Variants in ERO1B observed in about 807,000 individuals in gnomAD.
ERO1B encodes the protein ERO1-like protein beta.
Under a neutral mutation model 75.3 loss-of-function variants are expected in ERO1B, and 49 were observed. The ratio of observed to expected loss-of-function variants is 0.65; its 90% CI spans 0.52 to 0.83. The LOEUF is 0.83. ERO1B is among the 40% of genes least tolerant of loss of function. ERO1B has a pLI of 0.00. For missense variants in ERO1B, 512 were observed against 560.1 expected, an observed-to-expected ratio of 0.91 and a Z score of 0.87; for synonymous variants, 191 against 192.9, an observed-to-expected ratio of 0.99 and a Z score of 0.08.
At position 236,218,389 on chromosome 1, in the gene ERO1B, A is replaced by G; in HGVS notation, c.*127T>C. The G allele has an allele frequency of 1.2e-6, 1 of 800,478 alleles. No homozygotes were observed. 49.6% of individuals were successfully genotyped at this position (800,478 alleles called of 1,614,324 possible). ...AAGAATCATAAATATTCAAGTGAGC[A>G]TTTAAATTTTCTATTTAATAGTTCA... is the stretch of plus-strand genomic sequence containing the variant. On this transcript the variant is annotated 3_prime_UTR_variant, in exon 16 of 16. Coordinates refer to ENST00000354619, the MANE Select transcript of ERO1B (RefSeq NM_019891.4).
At chr1:236,219,297 C>T (rs1664075579) in intron 15 of ERO1B, among the ~76,000 whole-genome samples, 1 of 152,038 alleles carries the variant, frequency 6.6e-6, no homozygotes, top group African/African-American at 2.4e-5. Context: ...GAGTTCATAC[C>T]ACTACTAAAG....
intron 1 of ERO1B, among the ~76,000 whole-genome samples, chr1:236,280,742 C>G (rs1288801886): frequency 6.6e-6 from 1 of 152,174 alleles, no homozygotes; most frequent in African/African-American, 2.4e-5. Context: ...TGGATGAGCA[C>G]TAATTGCTTC....
chr1:236,246,046 T>C (rs1004352847), intron 5 of ERO1B, among the ~76,000 whole-genome samples: 15 of 152,218 alleles, frequency 9.9e-5, no homozygotes, highest in South Asian at 2.1e-4. Flanking sequence ...GTAGAACAGA[T>C]AACTGATACA....
At chr1:236,225,635 T>C (rs917019899) in intron 12 of ERO1B, among the ~76,000 whole-genome samples, 3 of 152,180 alleles carry the variant, frequency 2.0e-5, no homozygotes, top group African/African-American at 7.2e-5. Flanking sequence ...TCATCTAAAT[T>C]TAAATATAGT....
At chr1:236,239,893 A>G (rs11578471) in intron 6 of ERO1B, among the ~76,000 whole-genome samples, 29,401 of 104,230 alleles carry the variant, frequency 0.28, 4,909 homozygotes, top group East Asian at 0.59. Context: ...GTGTGTGTGT[A>G]TATATATATA....
At chr1:236,244,247 T>A (rs577390740) in intron 5 of ERO1B, among the ~76,000 whole-genome samples, 7 of 152,256 alleles carry the variant, frequency 4.6e-5, no homozygotes, top group Admixed American at 1.3e-4. Flanking sequence ...ACTGTATAAA[T>A]CAGGTATATA....
At position 236,224,218 on chromosome 1, in the gene ERO1B, G is replaced by A. The variant is rs150932733; in HGVS notation, c.1122+852C>T. ...ATATTCTTACACCAGTTTAGGTCAG[G>A]TTTTGCTAAAAAATTACCTTGCACT... On this transcript the variant is annotated intron_variant, in intron 13 of 15. Transcript: ENST00000354619. 9.3e-4 allele frequency among the ~76,000 whole-genome samples: 141 copies of A among 152,118 alleles called. 1 individual carries two copies. Among genetic ancestry groups the A allele is most frequent in the Non-Finnish European group, 1.7e-3 (113 of 68,006 alleles).
intron 4 of ERO1B, among the ~76,000 whole-genome samples, chr1:236,250,572 C>CATATATATATATATAT (rs1171832762): frequency 1.2e-5 from 1 of 86,374 alleles, no homozygotes. Flanking sequence ...TAAATTTGAC[C>CATATATATATATATAT]ATATATATAT....
chr1:236,227,403 C>T (rs909178181), intron 10 of ERO1B, among the ~76,000 whole-genome samples: 9 of 152,148 alleles, frequency 5.9e-5, no homozygotes, highest in African/African-American at 1.9e-4. Flanking sequence ...CAAGATATCC[C>T]GTCATCCTAT....
chr1:236,250,095 C>A, intron 4 of ERO1B, 128 bp from the exon 5 acceptor site: 1 of 491,184 alleles, frequency 2.0e-6, no homozygotes, highest in South Asian at 5.1e-5. Context: ...TATAAAAATC[C>A]CTATCATATG....
rs1664624683 is a variant in ERO1B, at chr1:236,239,356, A to T, written c.506-2958T>A. 2.0e-5 allele frequency among the ~76,000 whole-genome samples: 3 copies of T among 152,168 alleles called. No homozygotes were observed. In the South Asian group the frequency reaches 6.2e-4, roughly 31 times the overall value. On this transcript the variant is annotated intron_variant, in intron 6 of 15. Transcript: ENST00000354619. Reference sequence around the variant, plus strand: ...CATACTGCTTTCACACTATTATGGCAGAGATGAGTAATTCCAACAGAGACC... The same window carrying T: ...CATACTGCTTTCACACTATTATGGCTGAGATGAGTAATTCCAACAGAGACC...
chr1:236,233,349 G>A (rs1316009671), intron 8 of ERO1B, among the ~76,000 whole-genome samples: 1 of 149,582 alleles, frequency 6.7e-6, no homozygotes, highest in East Asian at 2.0e-4. Flanking sequence ...CGGTGGCTCA[G>A]GCCTGTAATC....
intron 4 of ERO1B, 130 bp from the exon 5 acceptor site, chr1:236,250,097 TATC>T: frequency 2.1e-6 from 1 of 485,124 alleles, no homozygotes; most frequent in Non-Finnish European, 3.5e-6. Context: ...TAAAAATCCC[TATC>T]ATATGTAAGA....
At chr1:236,276,696 A>G (rs1039409561) in intron 1 of ERO1B, among the ~76,000 whole-genome samples, 1 of 152,246 alleles carries the variant, frequency 6.6e-6, no homozygotes, top group African/African-American at 2.4e-5. Flanking sequence ...AGAACCAGCA[A>G]AGGAAGAATA....
At chr1:236,257,557 C>A (rs1195733941) in intron 2 of ERO1B, among the ~76,000 whole-genome samples, 2 of 90,416 alleles carry the variant, frequency 2.2e-5, no homozygotes, top group African/African-American at 4.1e-5. Flanking sequence ...GGGAAATATG[C>A]TCCAAAAAAA....
chr1:236,250,044 T>C (rs1031716680), intron 4 of ERO1B, 77 bp from the exon 5 acceptor site: 5 of 932,412 alleles, frequency 5.4e-6, no homozygotes, highest in Middle Eastern at 2.2e-4. Context: ...GAATAATCAA[T>C]CTGTCAACAA....
chr1:236,281,927 G>T lies in ERO1B; in HGVS notation c.-144C>A, dbSNP rs1012733333. The T allele has an allele frequency of 8.2e-5, 38 of 464,478 alleles. No individual in the cohort carries two copies. The highest frequency in any genetic ancestry group is 1.3e-4 in the Non-Finnish European group (36 of 284,764). 28.8% of individuals were successfully genotyped at this position (464,478 alleles called of 1,614,324 possible). A position where few individuals can be genotyped will look rare whatever the true frequency, so the allele number is the denominator to read the frequency against. ...TCTGCACTCCAGTCCGGAGGCAGGC[G>T]ACTCTTTCCCCAACACCCGGCAGCT... On this transcript the variant is annotated 5_prime_UTR_variant, in exon 1 of 16. Coordinates refer to ENST00000354619, the MANE Select transcript of ERO1B (RefSeq NM_019891.4).
chr1:236,258,217 A>T (rs1665210435), intron 2 of ERO1B, among the ~76,000 whole-genome samples: 2 of 150,720 alleles, frequency 1.3e-5, no homozygotes, highest in Non-Finnish European at 2.9e-5. Context: ...ATCCGAAGAG[A>T]CTCACACACC....
rs1031330240 is a variant in ERO1B at position 236,269,909 on chromosome 1, T to G, written c.188A>C (p.Lys63Thr). The G allele has an allele frequency of 1.3e-6, 2 of 1,599,872 alleles. No individual in the cohort carries two copies. Among genetic ancestry groups the G allele is most frequent in the Non-Finnish European group, 1.7e-6 (2 of 1,167,202 alleles). Reference protein sequence around the residue: ...NTYKIFPKIKKLQERDYFRYY... With the variant: ...NTYKIFPKIKTLQERDYFRYY... The stretch of plus-strand genomic sequence containing the variant: ...ACGAAAATAGTCTCTCTCTTGCAAT[T>G]TTTTTATTTTGGGGAAGATTTTGTA... The change falls in exon 2 of 16, where the codon AAA becomes ACA. Residue 63 changes from lysine (K) to threonine (T), a missense_variant. Physicochemically the swap from Lys to Thr is moderately conservative, Grantham distance 78. Coordinates refer to ENST00000354619, the MANE Select transcript of ERO1B (RefSeq NM_019891.4).
Sources: gnomAD v4.1 joint callset for allele counts (sites outside exome capture counted in the v4.1 genomes callset) on GRCh38, gnomAD v4.1.1 for gene constraint, MANE v1.5 for transcripts, NCBI Gene and HGNC (gene_info 2026-07-23, HGNC 2026-07-21) for gene names.